The following CRYM variants were observed in gnomAD, a reference collection of about 807,000 sequenced individuals.
The protein encoded by CRYM is crystallin mu.
A neutral mutation model predicts 32.9 loss-of-function variants in CRYM; 18 were observed. That is an observed-to-expected ratio of 0.55 (90% CI 0.38 to 0.81). The LOEUF is 0.81. Ranked by LOEUF, CRYM falls within the 30% of genes least tolerant of loss-of-function variation. The probability of loss-of-function intolerance (pLI) is 0.00; values close to 1 mark genes in which losing one functional copy is unlikely to be tolerated. For synonymous variants in CRYM, 153 were observed against 152.4 expected (o/e 1.00, Z -0.03); for missense variants, 337 against 393.5 (o/e 0.86, Z 1.21).
intron 1 of CRYM, among the ~76,000 whole-genome samples, chr16:21,290,652 T>C (rs1240103814): frequency 1.3e-5 from 2 of 152,214 alleles, no homozygotes; most frequent in Non-Finnish European, 2.9e-5. Flanking sequence ...CTTGAAGTCT[T>C]ACAGTGACAG....
At chr16:21,272,316 AG>A (rs2152862643) in intron 3 of CRYM, among the ~76,000 whole-genome samples, 1 of 152,250 alleles carries the variant, frequency 6.6e-6, no homozygotes, top group African/African-American at 2.4e-5. Context: ...GCATTTGCCA[AG>A]GCCTTGCATG....
chr16:21,293,021 T>A (rs1597630256), intron 1 of CRYM, among the ~76,000 whole-genome samples: 1 of 140,548 alleles, frequency 7.1e-6, no homozygotes, highest in East Asian at 2.3e-4. Flanking sequence ...GATAGGTAAG[T>A]AGATAGAAGA....
intron 1 of CRYM, among the ~76,000 whole-genome samples, chr16:21,293,436 G>A (rs1960713725): frequency 6.6e-6 from 1 of 152,040 alleles, no homozygotes. Context: ...TGGCAACAGC[G>A]GTAGATCCAT....
At chr16:21,289,256 T>C (rs1960553308) in intron 1 of CRYM, among the ~76,000 whole-genome samples, 1 of 152,202 alleles carries the variant, frequency 6.6e-6, no homozygotes, top group African/African-American at 2.4e-5. Context: ...TAGGGCTGTG[T>C]TGTTAGGACC....
At chr16:21,291,803 C>G (rs771828523) in intron 1 of CRYM, among the ~76,000 whole-genome samples, 1 of 151,906 alleles carries the variant, frequency 6.6e-6, no homozygotes, top group African/African-American at 2.4e-5. Context: ...ATTCTTTGTA[C>G]GTTCTGAATA....
At chr16:21,283,492 A>G (rs1224317827) in intron 1 of CRYM, 1 of 152,036 alleles carries the variant, frequency 6.6e-6, no homozygotes, top group Non-Finnish European at 1.5e-5. Context: ...TATTTTGACT[A>G]TTGAGTTGGC....
At chr16:21,296,964 G>A (rs1301519652) in intron 1 of CRYM, among the ~76,000 whole-genome samples, 2 of 151,954 alleles carry the variant, frequency 1.3e-5, no homozygotes, top group East Asian at 1.9e-4. Context: ...AGCCGAGATC[G>A]CGCCACCGAC....
rs183453106 is a variant in CRYM at position 21,262,745 on chromosome 16, G to A, written c.674-587C>T. 3.3e-4 allele frequency among the ~76,000 whole-genome samples: 50 copies of A among 152,282 alleles called. No individual in the cohort carries two copies. In the South Asian group the frequency reaches 4.4e-3, roughly 13 times the overall value. ...TTTACAGGGTGTCTACTCTCTGTGG[G>A]ATGTTTTGCACGTACTATTTATGGT... On this transcript the variant is annotated intron_variant, in intron 5 of 7. Coordinates refer to ENST00000572914, the MANE Select transcript of CRYM (RefSeq NM_001376256.1).
intron 5 of CRYM, among the ~76,000 whole-genome samples, chr16:21,264,238 CT>C (rs34736812): frequency 0.35 from 53,887 of 152,048 alleles, 11,476 homozygotes; most frequent in African/African-American, 0.59. Flanking sequence ...AAAGCACTAG[CT>C]TAAGGAAGCT....
At chr16:21,262,683 C>A (rs1194316089) in intron 5 of CRYM, among the ~76,000 whole-genome samples, 2 of 152,060 alleles carry the variant, frequency 1.3e-5, no homozygotes, top group Admixed American at 6.6e-5. Context: ...TATATCCCAC[C>A]TCATTGCTAA....
chr16:21,260,430 G>C (rs2093352312), intron 7 of CRYM, among the ~76,000 whole-genome samples: 1 of 152,162 alleles, frequency 6.6e-6, no homozygotes, highest in Non-Finnish European at 1.5e-5. Flanking sequence ...CTCCCAAGTA[G>C]CTGGGATTGC....
chr16:21,262,690 C>T (rs1225723865), intron 5 of CRYM, among the ~76,000 whole-genome samples: 45 of 152,088 alleles, frequency 3.0e-4, no homozygotes, highest in Non-Finnish European at 1.6e-4. Context: ...CACCTCATTG[C>T]TAAAAGATTT....
intron 3 of CRYM, 98 bp from the exon 4 acceptor site, chr16:21,269,989 T>C (rs910365170): frequency 6.2e-6 from 5 of 803,118 alleles, no homozygotes; most frequent in Non-Finnish European, 1.1e-5. Context: ...CTGCCCTCTC[T>C]TCTGCCTCCC....
At chr16:21,295,578 C>G (rs1960772039) in intron 1 of CRYM, among the ~76,000 whole-genome samples, 1 of 152,070 alleles carries the variant, frequency 6.6e-6, no homozygotes, top group Non-Finnish European at 1.5e-5. Flanking sequence ...AGGAATTCGT[C>G]CATTTCACTT....
chr16:21,274,179 G>A (rs970076985), intron 3 of CRYM, among the ~76,000 whole-genome samples: 1 of 152,132 alleles, frequency 6.6e-6, no homozygotes, highest in Admixed American at 6.5e-5. Flanking sequence ...CAGACACCCT[G>A]TTTCCTAAGC....
At chr16:21,270,408 C>T (rs924445237) in intron 3 of CRYM, among the ~76,000 whole-genome samples, 1 of 152,010 alleles carries the variant, frequency 6.6e-6, no homozygotes, top group Non-Finnish European at 1.5e-5. Flanking sequence ...CTCAGCCCCC[C>T]GTGGAGCTGG....
chr16:21,278,699 G>T, upstream of CRYM: 1 of 189,346 alleles, frequency 5.3e-6, no homozygotes, highest in Non-Finnish European at 1.1e-5. Flanking sequence ...CCTACTGCTA[G>T]GAGATAAAAG....
intron 1 of CRYM, among the ~76,000 whole-genome samples, chr16:21,290,436 C>T (rs1289208452): frequency 6.6e-6 from 1 of 152,108 alleles, no homozygotes; most frequent in Non-Finnish European, 1.5e-5. Flanking sequence ...ACTCGGGACA[C>T]ATCTGAACAT....
At chr16:21,273,908 G>A (rs969314725) in intron 3 of CRYM, among the ~76,000 whole-genome samples, 2 of 152,158 alleles carry the variant, frequency 1.3e-5, no homozygotes, top group Admixed American at 6.5e-5. Context: ...GTCAGGTCTG[G>A]ATATAACTAA....
Sources: allele counts gnomAD v4.1 joint callset (sites outside exome capture counted in the v4.1 genomes callset), GRCh38; gene constraint gnomAD v4.1.1; transcripts MANE v1.5; gene names NCBI Gene and HGNC (gene_info 2026-07-23, HGNC 2026-07-21).